The following PIK3R3 variants were observed in gnomAD, a reference collection of about 807,000 sequenced individuals.
PIK3R3 encodes the protein phosphatidylinositol 3-kinase regulatory subunit gamma.
PIK3R3 carries 64 observed loss-of-function variants against 62.9 expected under a neutral mutation model. The ratio of observed to expected loss-of-function variants is 1.02; its 90% CI spans 0.83 to 1.25. The LOEUF (loss-of-function observed/expected upper bound fraction) is 1.25, where lower values mean the gene tolerates loss of function less well. Among genes scored for constraint, PIK3R3 ranks in the 50% most tolerant of loss-of-function variants. The pLI is 0.00. For synonymous variants in PIK3R3, 165 were observed against 189.0 expected, an observed-to-expected ratio of 0.87 and a Z score of 1.04; for missense variants, 614 against 561.6, an observed-to-expected ratio of 1.09 and a Z score of -0.94.
chr1:46,071,324 G>A (rs1302092247), intron 3 of PIK3R3, among the ~76,000 whole-genome samples: 1 of 151,782 alleles, frequency 6.6e-6, no homozygotes, highest in Non-Finnish European at 1.5e-5. Context: ...CTCTGGTCCT[G>A]TACTCTCTCC....
At chr1:46,171,721 G>A in the PIK3R3 span, among the ~76,000 whole-genome samples, 1 of 152,034 alleles carries the variant, frequency 6.6e-6, no homozygotes, top group Non-Finnish European at 1.5e-5. Context: ...CAGGAGTTGG[G>A]GTCTGGGGAA....
chr1:46,139,636 C>CT, the PIK3R3 span, among the ~76,000 whole-genome samples: 3 of 152,118 alleles, frequency 2.0e-5, no homozygotes, highest in Non-Finnish European at 4.4e-5. Flanking sequence ...CGGACTAACT[C>CT]TCCCTAAGAC....
chr1:46,131,287 C>T (rs1196556528), intron 1 of PIK3R3, among the ~76,000 whole-genome samples: 2 of 152,068 alleles, frequency 1.3e-5, no homozygotes, highest in East Asian at 3.9e-4. Context: ...CGCCCAATCC[C>T]TAAAAAAAAT....
the PIK3R3 span, among the ~76,000 whole-genome samples, chr1:46,162,714 G>A: frequency 3.9e-5 from 6 of 152,062 alleles, no homozygotes; most frequent in Non-Finnish European, 8.8e-5. Flanking sequence ...TTCCACCTCC[G>A]AGGTTCAAGT....
upstream of PIK3R3, among the ~76,000 whole-genome samples, chr1:46,137,601 A>G (rs1260548625): frequency 6.6e-6 from 1 of 152,188 alleles, no homozygotes; most frequent in Non-Finnish European, 1.5e-5. Context: ...GATCTTATAC[A>G]TTGTGCTCAC....
the PIK3R3 span, among the ~76,000 whole-genome samples, chr1:46,139,633 A>G: frequency 6.6e-6 from 1 of 151,758 alleles, no homozygotes; most frequent in African/African-American, 2.4e-5. Flanking sequence ...AAACGGACTA[A>G]CTCTCCCTAA....
At chr1:46,141,797 T>C in the PIK3R3 span, among the ~76,000 whole-genome samples, 1 of 152,122 alleles carries the variant, frequency 6.6e-6, no homozygotes, top group South Asian at 2.1e-4. Context: ...TCCAAAAGAG[T>C]CAGCCAGCCA....
intron 1 of PIK3R3, among the ~76,000 whole-genome samples, chr1:46,106,965 G>C (rs1212195023): frequency 1.3e-5 from 2 of 151,998 alleles, no homozygotes; most frequent in Non-Finnish European, 2.9e-5. Context: ...AGTACAAACG[G>C]GGTCAGGCTG....
In PIK3R3 at chr1:46,043,861, C is replaced by T. The variant is rs569383875; in HGVS notation, c.1198G>A (p.Glu400Lys). 537 of 1,613,062 alleles carry T rather than the reference C, an allele frequency of 3.3e-4. 7 individuals carry two copies. In the South Asian group the frequency reaches 5.4e-3, roughly 16 times the overall value. ...CTGTAGATCACACAGTGCTTCACTT[C>T]CCCATCGGCCCTGCAATGACAAACC... ...CYACSVVADG[E>K]VKHCVIYSTA... The change falls in exon 10 of 10, where the codon GAA (glutamate) becomes AAA (lysine). Residue 400 changes from glutamate to lysine, a missense_variant. Coordinates refer to ENST00000262741, the MANE Select transcript of PIK3R3 (RefSeq NM_003629.4).
intron 1 of PIK3R3, among the ~76,000 whole-genome samples, chr1:46,130,148 T>C (rs1450603087): frequency 6.6e-6 from 1 of 152,094 alleles, no homozygotes; most frequent in Non-Finnish European, 1.5e-5. Flanking sequence ...CCTACTCACC[T>C]CCCACCCAAC....
At chr1:46,071,502 C>A (rs1413307442) in intron 3 of PIK3R3, among the ~76,000 whole-genome samples, 1 of 151,208 alleles carries the variant, frequency 6.6e-6, no homozygotes, top group Non-Finnish European at 1.5e-5. Flanking sequence ...TCAAGACCAA[C>A]CTGGCCAACA....
chr1:46,101,841 T>C (rs1652708481), intron 1 of PIK3R3, among the ~76,000 whole-genome samples: 2 of 152,168 alleles, frequency 1.3e-5, no homozygotes, highest in South Asian at 2.1e-4. Context: ...GGAAGATGAA[T>C]ACAGCTGCAC....
chr1:46,080,391 T>G (rs1448144464), intron 2 of PIK3R3, among the ~76,000 whole-genome samples: 1 of 151,514 alleles, frequency 6.6e-6, no homozygotes, highest in African/African-American at 2.4e-5. Context: ...TAACAATTAG[T>G]AGAGCATTAC....
the PIK3R3 span, among the ~76,000 whole-genome samples, chr1:46,145,190 C>G: frequency 6.6e-6 from 1 of 150,716 alleles, no homozygotes; most frequent in Non-Finnish European, 1.5e-5. Flanking sequence ...AGAGTTCTGA[C>G]AAAACATGGG....
intron 1 of PIK3R3, among the ~76,000 whole-genome samples, chr1:46,086,762 T>A (rs1194523831): frequency 6.6e-6 from 1 of 152,094 alleles, no homozygotes; most frequent in Non-Finnish European, 1.5e-5. Flanking sequence ...GGAAGCACAA[T>A]GCATCTCTGA....
At chr1:46,104,550 G>T (rs1407053490) in intron 1 of PIK3R3, among the ~76,000 whole-genome samples, 4 of 152,102 alleles carry the variant, frequency 2.6e-5, no homozygotes, top group Non-Finnish European at 4.4e-5. Context: ...AAACGAGACA[G>T]ATTACAATCA....
chr1:46,078,634 C>T (rs1292680884), intron 2 of PIK3R3, among the ~76,000 whole-genome samples: 1 of 152,128 alleles, frequency 6.6e-6, no homozygotes, highest in East Asian at 1.9e-4. Context: ...TTCCATTCCA[C>T]TACTGGGTAT....
At position 46,095,821 on chromosome 1, in the gene PIK3R3, AC is replaced by A. The variant is rs146887975; in HGVS notation, c.107-15072del. Among the ~76,000 whole-genome samples, 344 of 152,344 alleles carry A rather than the reference AC, an allele frequency of 2.3e-3. 2 individuals carry two copies. Among genetic ancestry groups the A allele is most frequent in the African/African-American group, 7.8e-3 (326 of 41,572 alleles). On this transcript the variant is annotated intron_variant, in intron 1 of 9. Transcript: ENST00000262741. ...CTTCAAGATTTCAATTCATTTTGAT[AC>A]CACCCACTCATATGATATAATTTGG...
At position 46,131,998 on chromosome 1, in the gene PIK3R3, A is replaced by G. The variant is rs1655651627; in HGVS notation, c.-46T>C. On this transcript the variant is annotated 5_prime_UTR_variant, in exon 1 of 10. Transcript: ENST00000262741. ...GCCAGGAGATATATAGAAGGCATAT[A>G]TTTTTTATCTGGTATTTAAAAATCT... The G allele has an allele frequency of 1.3e-6, 2 of 1,590,454 alleles. No individual in the cohort carries two copies. Among genetic ancestry groups the G allele is most frequent in the Middle Eastern group, 1.7e-4 (1 of 5,944 alleles).
Sources: gnomAD v4.1 joint callset for allele counts (sites outside exome capture counted in the v4.1 genomes callset) on GRCh38, gnomAD v4.1.1 for gene constraint, MANE v1.5 for transcripts, NCBI Gene and HGNC (gene_info 2026-07-23, HGNC 2026-07-21) for gene names.